The following PARP8 variants were observed in gnomAD, a reference collection of about 807,000 sequenced individuals.
The protein encoded by PARP8 is poly(ADP-ribose) polymerase family member 8.
A neutral mutation model predicts 124.1 loss-of-function variants in PARP8; 51 were observed. That is an observed-to-expected ratio of 0.41 (90% CI 0.33 to 0.52). The LOEUF (loss-of-function observed/expected upper bound fraction) is 0.52, where lower values mean the gene tolerates loss of function less well. Ranked by LOEUF, PARP8 falls within the 20% of genes least tolerant of loss-of-function variation. The probability of loss-of-function intolerance (pLI) is 0.21; values close to 1 mark genes in which losing one functional copy is unlikely to be tolerated. For missense variants in PARP8, 860 were observed against 1,018.9 expected (o/e 0.84, Z 2.12); for synonymous variants, 391 against 361.5 (o/e 1.08, Z -0.93).
intron 2 of PARP8, among the ~76,000 whole-genome samples, chr5:50,722,225 T>G (rs1481267487): frequency 1.3e-5 from 2 of 152,150 alleles, no homozygotes; most frequent in Non-Finnish European, 2.9e-5. Context: ...CTCATTTGTG[T>G]CACTGCCGCT....
At chr5:50,746,589 C>G (rs1195276557) in intron 2 of PARP8, among the ~76,000 whole-genome samples, 2 of 151,984 alleles carry the variant, frequency 1.3e-5, no homozygotes, top group Non-Finnish European at 2.9e-5. Context: ...TGTTCAAGTT[C>G]CTTTGTCTGT....
At chr5:50,781,836 A>G (rs140209876) in intron 9 of PARP8, among the ~76,000 whole-genome samples, 1 of 152,284 alleles carries the variant, frequency 6.6e-6, no homozygotes, top group East Asian at 1.9e-4. Flanking sequence ...AGTTTTACCT[A>G]CAAGATGGGG....
At chr5:50,830,868 C>T (rs1173127556) in intron 22 of PARP8, among the ~76,000 whole-genome samples, 3 of 151,514 alleles carry the variant, frequency 2.0e-5, no homozygotes, top group Admixed American at 6.6e-5. Flanking sequence ...TCACGTTACA[C>T]GTTTTAGGAG....
At chr5:50,738,962 A>G (rs1469992491) in intron 2 of PARP8, 2 of 702,184 alleles carry the variant, frequency 2.8e-6, no homozygotes, top group Non-Finnish European at 5.2e-6. Flanking sequence ...TCTAAGCTCC[A>G]CATTTTTCTG....
rs190253441 is a variant in PARP8 at position 50,738,967 on chromosome 5, T to C, written c.147-11184T>C. ...TCTGACATTTTCTAAGCTCCACATTTTTCTGTATCAAGCACATTCCTAGAC... is the reference window on the plus strand; with the variant it reads ...TCTGACATTTTCTAAGCTCCACATTCTTCTGTATCAAGCACATTCCTAGAC... On this transcript the variant is annotated intron_variant, in intron 2 of 25. Coordinates refer to ENST00000281631, the MANE Select transcript of PARP8 (RefSeq NM_024615.4). 1.1e-4 allele frequency: 78 copies of C among 702,304 alleles called. No homozygotes were observed. The African/African-American group carries it at 1.3e-3, about 11-fold the overall frequency. The allele number at this position is 702,304 out of a possible 1,614,324, so 43.5% of individuals were successfully genotyped here. A position where few individuals can be genotyped will look rare whatever the true frequency, so the allele number is the denominator to read the frequency against.
intron 15 of PARP8, among the ~76,000 whole-genome samples, chr5:50,819,965 G>A (rs753738885): frequency 2.0e-5 from 3 of 152,144 alleles, no homozygotes; most frequent in Admixed American, 6.5e-5. Flanking sequence ...ATATATGTAT[G>A]CATGTATTTA....
chr5:50,817,461 G>T (rs1488236910), intron 15 of PARP8, among the ~76,000 whole-genome samples: 1 of 152,092 alleles, frequency 6.6e-6, no homozygotes, highest in African/African-American at 2.4e-5. Context: ...ACCACCTCAG[G>T]ATCTCATTGC....
At chr5:50,710,732 A>G (rs867858168) in intron 2 of PARP8, among the ~76,000 whole-genome samples, 10 of 152,118 alleles carry the variant, frequency 6.6e-5, no homozygotes, top group South Asian at 2.1e-4. Flanking sequence ...CAAAGTATCA[A>G]TATTTAAATA....
chr5:50,772,882 A>G (rs1761771232), intron 7 of PARP8, among the ~76,000 whole-genome samples: 1 of 151,754 alleles, frequency 6.6e-6, no homozygotes, highest in Non-Finnish European at 1.5e-5. Flanking sequence ...AATTTTTATT[A>G]GAGACAGGGT....
At chr5:50,673,341 G>C (rs1269240053) in intron 2 of PARP8, among the ~76,000 whole-genome samples, 2 of 152,038 alleles carry the variant, frequency 1.3e-5, no homozygotes, top group African/African-American at 4.8e-5. Context: ...TTTAACATAA[G>C]TATAACTTTA....
chr5:50,760,253 A>C (rs910430930), intron 4 of PARP8, 39 bp from the exon 5 acceptor site: 8 of 1,407,704 alleles, frequency 5.7e-6, no homozygotes, highest in Non-Finnish European at 6.7e-6. Context: ...ATAGCATACT[A>C]AGTATCATAA....
At chr5:50,722,925 G>A (rs1446890722) in intron 2 of PARP8, among the ~76,000 whole-genome samples, 1 of 152,018 alleles carries the variant, frequency 6.6e-6, no homozygotes, top group Admixed American at 6.6e-5. Flanking sequence ...TAATTGTGTT[G>A]CTTTATAGCC....
chr5:50,731,932 T>C (rs1366870341), intron 2 of PARP8, among the ~76,000 whole-genome samples: 1 of 152,212 alleles, frequency 6.6e-6, no homozygotes, highest in Non-Finnish European at 1.5e-5. Context: ...ATTTGCCACA[T>C]AGTGGGAGTG....
Position 50,687,046 on chromosome 5 carries a change from C to T in PARP8, c.146+18921C>T, listed in dbSNP as rs572151305. Among the ~76,000 whole-genome samples, 300 of 152,294 alleles carry T rather than the reference C, an allele frequency of 2.0e-3. 1 individual carries two copies. Among genetic ancestry groups the T allele is most frequent in the Non-Finnish European group, 2.1e-3 (146 of 68,024 alleles). ...ATTTCTGCAGCCAGCTTGAATTTCT[C>T]CTCAGAAAATGGGTTTTTCTTTTCT... On this transcript the variant is annotated intron_variant, in intron 2 of 25. Coordinates refer to ENST00000281631, the MANE Select transcript of PARP8 (RefSeq NM_024615.4).
At chr5:50,828,832 A>C (rs1580485978) in intron 21 of PARP8, among the ~76,000 whole-genome samples, 1 of 152,022 alleles carries the variant, frequency 6.6e-6, no homozygotes, top group African/African-American at 2.4e-5. Context: ...TGAAGGTGGC[A>C]GTGAGCTGAG....
intron 2 of PARP8, among the ~76,000 whole-genome samples, chr5:50,669,752 C>G (rs1749786081): frequency 6.6e-6 from 1 of 152,098 alleles, no homozygotes; most frequent in African/African-American, 2.4e-5. Context: ...GAAGAAGTAC[C>G]ATGGTTGCTC....
intron 1 of PARP8, chr5:50,667,870 G>C: frequency 6.8e-7 from 1 of 1,462,776 alleles, no homozygotes; most frequent in African/African-American, 1.4e-5. Context: ...ACTTGTTGCG[G>C]GGGGCGGCCT....
intron 21 of PARP8, among the ~76,000 whole-genome samples, 157 bp from the exon 22 acceptor site, chr5:50,829,735 A>G (rs1746738600): frequency 6.6e-6 from 1 of 152,218 alleles, no homozygotes; most frequent in Admixed American, 6.5e-5. Flanking sequence ...TCTAAGCACA[A>G]GGATATTAGT....
In PARP8 at chr5:50,826,813, T is replaced by A; in HGVS notation, c.1977+10T>A. 2 of 884,358 alleles carry A rather than the reference T, an allele frequency of 2.3e-6. No homozygotes were observed. Among genetic ancestry groups the A allele is most frequent in the Non-Finnish European group, 3.1e-6 (2 of 651,264 alleles). The allele number at this position is 884,358 out of a possible 1,614,324, so 54.8% of individuals were successfully genotyped here. On this transcript the variant is annotated intron_variant, in intron 19 of 25. Coordinates refer to ENST00000281631, the MANE Select transcript of PARP8 (RefSeq NM_024615.4). Reference sequence around the variant, plus strand: ...ACTGCCAGTTAACAGGGTAAGTTGTTTTTTTTTTTTTTACATATGCATACA... The same window carrying A: ...ACTGCCAGTTAACAGGGTAAGTTGTATTTTTTTTTTTTACATATGCATACA...
Sources: allele counts gnomAD v4.1 joint callset (sites outside exome capture counted in the v4.1 genomes callset), GRCh38; gene constraint gnomAD v4.1.1; transcripts MANE v1.5; gene names NCBI Gene and HGNC (gene_info 2026-07-23, HGNC 2026-07-21).